The following HTR4 variants were observed in gnomAD, a reference collection of about 807,000 sequenced individuals.
HTR4 encodes 5-hydroxytryptamine receptor 4.
HTR4 carries 16 observed loss-of-function variants against 36.8 expected under a neutral mutation model. That is an observed-to-expected ratio of 0.43 (90% CI 0.29 to 0.66). The LOEUF (loss-of-function observed/expected upper bound fraction) is 0.66. Among genes scored for constraint, HTR4 ranks in the 30% least tolerant of loss-of-function variants. The pLI, the probability that HTR4 is intolerant of heterozygous loss-of-function variation, is 0.13. For missense variants in HTR4, 438 were observed against 490.9 expected (o/e 0.89, Z 1.02); for synonymous variants, 189 against 185.1 (o/e 1.02, Z -0.17).
chr5:148,576,251 T>C (rs925372237), intron 2 of HTR4, among the ~76,000 whole-genome samples: 2 of 147,940 alleles, frequency 1.4e-5, no homozygotes, highest in African/African-American at 5.0e-5. Flanking sequence ...ATACCAGGAA[T>C]ATTACTTACC....
At chr5:148,551,467 T>C (rs1185308622) in intron 2 of HTR4, among the ~76,000 whole-genome samples, 5 of 152,240 alleles carry the variant, frequency 3.3e-5, no homozygotes, top group Non-Finnish European at 1.5e-5. Context: ...AGTCTACAAA[T>C]GTTGCCTTCC....
At chr5:148,502,854 C>T (rs1453445487) in intron 6 of HTR4, among the ~76,000 whole-genome samples, 1 of 152,146 alleles carries the variant, frequency 6.6e-6, no homozygotes, top group Admixed American at 6.5e-5. Context: ...ATGCACAAGC[C>T]TCAGTAGCCG....
At chr5:148,598,076 G>A (rs1046668224) in intron 2 of HTR4, among the ~76,000 whole-genome samples, 3 of 152,142 alleles carry the variant, frequency 2.0e-5, no homozygotes, top group Non-Finnish European at 2.9e-5. Flanking sequence ...GATTACTTAA[G>A]TAGCCATCAG....
intron 6 of HTR4, among the ~76,000 whole-genome samples, chr5:148,495,133 A>G (rs958583662): frequency 6.6e-6 from 1 of 152,236 alleles, no homozygotes; most frequent in Non-Finnish European, 1.5e-5. Flanking sequence ...AGGGAAACCC[A>G]TCTCCAAAGC....
chr5:148,653,938 C>T (rs1324782409), intron 1 of HTR4, 124 bp downstream of exon 1: 1 of 537,760 alleles, frequency 1.9e-6, no homozygotes, highest in African/African-American at 2.1e-5. Context: ...GCCGCAAAGC[C>T]GGGTGTCCTG....
At chr5:148,476,507 G>C (rs1407403431), downstream of HTR4, 1 of 1,192,172 alleles carries the variant, frequency 8.4e-7, no homozygotes, top group Non-Finnish European at 1.1e-6. Context: ...TTATCAGAAG[G>C]CTGCAGCTTT....
rs1056300627 is a variant in HTR4 at position 148,574,769 on chromosome 5, A to C, written c.27-24507T>G. ...TCCTGTAATATACGGTGCTTCTTAC[A>C]TGCTCAGGGAAATCATTTATCATTG... On this transcript the variant is annotated intron_variant, in intron 2 of 6. Transcript: ENST00000377888. 2.0e-5 allele frequency among the ~76,000 whole-genome samples: 3 copies of C among 152,088 alleles called. No individual in the cohort carries two copies. In the East Asian group the frequency reaches 5.8e-4, roughly 29 times the overall value.
chr5:148,506,419 C>T (rs147888792), intron 6 of HTR4, among the ~76,000 whole-genome samples: 5,273 of 152,108 alleles, frequency 0.035, 113 homozygotes, highest in African/African-American at 0.056. Context: ...CCATAAAAAC[C>T]CTAGAAGAAA....
At chr5:148,471,249 G>A (rs953383926) in intron 5 of HTR4, among the ~76,000 whole-genome samples, 2 of 152,100 alleles carry the variant, frequency 1.3e-5, no homozygotes, top group African/African-American at 4.8e-5. Context: ...ACAGACTTGG[G>A]GGCTAGATAG....
chr5:148,598,923 G>T (rs1761884897), intron 2 of HTR4, among the ~76,000 whole-genome samples: 1 of 152,032 alleles, frequency 6.6e-6, no homozygotes, highest in Non-Finnish European at 1.5e-5. Context: ...TTCACAAGTA[G>T]ATTTTAAAAT....
chr5:148,632,780 G>A (rs994393735), intron 2 of HTR4, among the ~76,000 whole-genome samples: 2 of 152,076 alleles, frequency 1.3e-5, no homozygotes, highest in African/African-American at 4.8e-5. Flanking sequence ...TGCATTTAGC[G>A]ATCACACTTG....
At position 148,466,060 on chromosome 5, in the gene HTR4, G is replaced by A. The variant is rs1357039226; in HGVS notation, c.1077-14788C>T. On this transcript the variant is annotated intron_variant, in intron 5 of 5. Transcript: ENST00000521530. ...AAATAAGCTTGCCAATATTCTTAAA[G>A]TGCTTTTAGAGGAGGATAAGGAGGG... 6 of 1,498,038 alleles carry A rather than the reference G, an allele frequency of 4.0e-6. No homozygotes were observed. The African/African-American group carries it at 7.0e-5, about 18-fold the overall frequency. 92.8% of individuals were successfully genotyped at this position (1,498,038 alleles called of 1,614,324 possible).
chr5:148,463,667 A>G (rs1211004354), intron 5 of HTR4, among the ~76,000 whole-genome samples: 2 of 152,092 alleles, frequency 1.3e-5, no homozygotes, highest in East Asian at 3.9e-4. Context: ...TATAGATCTA[A>G]TGCATTTCCA....
chr5:148,556,363 T>C (rs1433274125), intron 2 of HTR4, among the ~76,000 whole-genome samples: 1 of 152,324 alleles, frequency 6.6e-6, no homozygotes, highest in East Asian at 1.9e-4. Context: ...CTGGTTTTGT[T>C]CATAAACAGC....
chr5:148,609,775 C>T (rs553929135), intron 2 of HTR4, among the ~76,000 whole-genome samples: 1 of 152,104 alleles, frequency 6.6e-6, no homozygotes, highest in South Asian at 2.1e-4. Flanking sequence ...ACCGTGTTAG[C>T]CAGGATGTTC....
At chr5:148,562,490 C>T (rs1472270000) in intron 2 of HTR4, among the ~76,000 whole-genome samples, 2 of 152,146 alleles carry the variant, frequency 1.3e-5, no homozygotes, top group Non-Finnish European at 2.9e-5. Flanking sequence ...TTCTCCTTTA[C>T]CTAGGTCATT....
chr5:148,553,508 C>G (rs1300266736), intron 2 of HTR4, among the ~76,000 whole-genome samples: 3 of 152,144 alleles, frequency 2.0e-5, no homozygotes, highest in African/African-American at 7.2e-5. Flanking sequence ...CCAAGTGACT[C>G]TGATGTGTAA....
At chr5:148,501,049 G>T (rs934097986) in intron 6 of HTR4, among the ~76,000 whole-genome samples, 1 of 151,968 alleles carries the variant, frequency 6.6e-6, no homozygotes, top group African/African-American at 2.4e-5. Flanking sequence ...GTGTTCAAGG[G>T]CATTACAAAC....
At chr5:148,610,368 C>T (rs1752371848) in intron 2 of HTR4, among the ~76,000 whole-genome samples, 1 of 152,170 alleles carries the variant, frequency 6.6e-6, no homozygotes, top group African/African-American at 2.4e-5. Context: ...GGTCCCTGAC[C>T]CGTGACCCCC....
Sources: allele counts gnomAD v4.1 joint callset (sites outside exome capture counted in the v4.1 genomes callset), GRCh38; gene constraint gnomAD v4.1.1; transcripts MANE v1.5; gene names NCBI Gene and HGNC (gene_info 2026-07-23, HGNC 2026-07-21).